Variants in MYO9B observed in about 807,000 individuals in gnomAD.
MYO9B encodes myosin IXB, also known as unconventional myosin-IXb.
Under a neutral mutation model 229.5 loss-of-function variants are expected in MYO9B, and 71 were observed. The observed-to-expected ratio is 0.31, with a 90% CI of 0.26 to 0.38. The LOEUF (loss-of-function observed/expected upper bound fraction) is 0.38. MYO9B is among the 10% of genes least tolerant of loss of function. The pLI is 1.00. For synonymous variants in MYO9B, 1,185 were observed against 1,235.8 expected (o/e 0.96, Z 0.86); for missense variants, 2,255 against 2,920.5 (o/e 0.77, Z 5.25).
chr19:17,191,995 G>C (rs2072990316), intron 20 of MYO9B, among the ~76,000 whole-genome samples: 1 of 151,820 alleles, frequency 6.6e-6, no homozygotes, highest in East Asian at 1.9e-4. Flanking sequence ...ACAGAGTCTT[G>C]CTCTGTTGCC....
chr19:17,172,229 C>A lies in MYO9B; in HGVS notation c.1794-107C>A. On this transcript the variant is annotated intron_variant, in intron 11 of 39. Transcript: ENST00000682292. The surrounding 1 kb of genome is among the most constrained non-coding windows in gnomAD (Gnocchi z 8.2). ...CTGTGCCACTTCACTGCTCTGCCCA[C>A]CCCATGCACCCACCCACCTCGTGCA... 2.1e-6 allele frequency: 3 copies of A among 1,416,280 alleles called. No individual in the cohort carries two copies. Among genetic ancestry groups the A allele is most frequent in the Non-Finnish European group, 2.9e-6 (3 of 1,045,940 alleles). The allele number at this position is 1,416,280 out of a possible 1,614,324, so 87.7% of individuals were successfully genotyped here. A position where few individuals can be genotyped will look rare whatever the true frequency, so the allele number is the denominator to read the frequency against.
intron 11 of MYO9B, among the ~76,000 whole-genome samples, chr19:17,171,210 C>A (rs1377966301): frequency 6.6e-6 from 1 of 152,202 alleles, no homozygotes; most frequent in African/African-American, 2.4e-5. Context: ...GGCATGCGTT[C>A]CGCTGCCTGT....
intron 2 of MYO9B, among the ~76,000 whole-genome samples, chr19:17,127,908 A>C (rs1462919115): frequency 6.6e-6 from 1 of 152,210 alleles, no homozygotes; most frequent in Non-Finnish European, 1.5e-5. Context: ...ATCCCGCTTA[A>C]TCCTCCATCT....
chr19:17,085,271 G>A (rs1301314182), intron 1 of MYO9B, among the ~76,000 whole-genome samples: 1 of 152,146 alleles, frequency 6.6e-6, no homozygotes, highest in Non-Finnish European at 1.5e-5. Flanking sequence ...CCAGGCAGAG[G>A]GTGGGTTTCA....
At chr19:17,122,956 G>A (rs773802614) in intron 2 of MYO9B, among the ~76,000 whole-genome samples, 10 of 152,060 alleles carry the variant, frequency 6.6e-5, no homozygotes, top group South Asian at 4.1e-4. Flanking sequence ...TTAAACAGGC[G>A]TGGTGGTGCA....
intron 11 of MYO9B, among the ~76,000 whole-genome samples, chr19:17,170,091 C>A (rs1166529625): frequency 1.3e-5 from 2 of 151,450 alleles, no homozygotes; most frequent in Non-Finnish European, 2.9e-5. Context: ...GAGATGGAAT[C>A]TCCCTGTATT....
At chr19:17,110,761 G>T (rs112239969) in intron 2 of MYO9B, among the ~76,000 whole-genome samples, 2 of 152,274 alleles carry the variant, frequency 1.3e-5, no homozygotes, top group African/African-American at 2.4e-5. Flanking sequence ...GGCGCAGAGG[G>T]ACGCCCCCAG....
intron 1 of MYO9B, among the ~76,000 whole-genome samples, chr19:17,077,709 T>C (rs901243769): frequency 6.6e-6 from 1 of 152,110 alleles, no homozygotes; most frequent in African/African-American, 2.4e-5. Context: ...CACCGTCTTG[T>C]CTCCAGTCCA....
chr19:17,208,030 C>T (rs2073182574), intron 35 of MYO9B: 1 of 142,720 alleles, frequency 7.0e-6, no homozygotes. Context: ...AAACAAAATA[C>T]AAAAATTAGC....
At position 17,212,136 on chromosome 19, in the gene MYO9B, T is replaced by C. The variant is rs773754218; in HGVS notation, c.6300T>C (p.Pro2100=). The C allele has an allele frequency of 1.5e-5, 24 of 1,588,310 alleles. No homozygotes were observed. Among genetic ancestry groups the C allele is most frequent in the Non-Finnish European group, 2.1e-5 (24 of 1,168,594 alleles). The part of the protein sequence containing the change: ...AAAPVRRREP[P]ARRPDQIHSV... ...CCCCAGTGCGGCGCCGGGAGCCACC[T>C]GCCCGCCGCCCGGACCAGATACATT... Residue 2100 remains proline (P), a synonymous_variant, in exon 40 of 40, where the codon CCT becomes CCC. Transcript: ENST00000682292. This position sits in a 1 kb window ranked among gnomAD's most constrained non-coding sequence, Gnocchi z 5.4.
At chr19:17,190,064 CA>C (rs36086676) in intron 19 of MYO9B, among the ~76,000 whole-genome samples, 21,474 of 126,804 alleles carry the variant, frequency 0.17, 1,659 homozygotes, top group Non-Finnish European at 0.2. Flanking sequence ...GACTCCGTCT[CA>C]AAAAAAAAAA....
At chr19:17,170,805 C>G (rs1436331605) in intron 11 of MYO9B, among the ~76,000 whole-genome samples, 1 of 132,996 alleles carries the variant, frequency 7.5e-6, no homozygotes, top group Non-Finnish European at 1.6e-5. Context: ...GCCTGGGCAA[C>G]AGAGCAAGAC....
At chr19:17,109,273 G>A (rs1294136841) in intron 2 of MYO9B, among the ~76,000 whole-genome samples, 1 of 150,920 alleles carries the variant, frequency 6.6e-6, no homozygotes, top group East Asian at 2.0e-4. Flanking sequence ...CACCGTGTTA[G>A]CCAGAATGGT....
Position 17,121,711 on chromosome 19 carries a change from C to T in MYO9B, c.840+19154C>T, listed in dbSNP as rs1351447315. Among the ~76,000 whole-genome samples, 5 of 152,272 alleles carry T rather than the reference C, an allele frequency of 3.3e-5. No homozygotes were observed. In the East Asian group the frequency reaches 7.7e-4, roughly 24 times the overall value. On this transcript the variant is annotated intron_variant, in intron 2 of 39. Coordinates refer to ENST00000682292, the MANE Select transcript of MYO9B (RefSeq NM_004145.4). ...TGCCGCATTAAAAGTACTGGAAGGG[C>T]GCGGTGGCTCACGCCGATAATTCCA...
Position 17,198,274 on chromosome 19 carries a change from G to T in MYO9B, c.4204G>T (p.Ala1402Ser). ...AGGCGACGCATCCTCCCTCCCAGAC[G>T]CAGGGCTGTCCCCGGGCTCTCAGGT... is the stretch of plus-strand genomic sequence containing the variant. ...KPGDASSLPDAGLSPGSQVDS... is the reference protein window; with the variant it reads ...KPGDASSLPDSGLSPGSQVDS... Residue 1402 changes from alanine to serine, a missense_variant, in exon 24 of 40, where the codon GCA becomes TCA. By Grantham distance (99) the Ala-to-Ser change is moderately conservative. Coordinates refer to ENST00000682292, the MANE Select transcript of MYO9B (RefSeq NM_004145.4). The T allele has an allele frequency of 1.9e-6, 3 of 1,613,916 alleles. No individual in the cohort carries two copies. The highest frequency in any genetic ancestry group is 2.5e-6 in the Non-Finnish European group (3 of 1,179,874).
intron 2 of MYO9B, among the ~76,000 whole-genome samples, chr19:17,125,162 G>A (rs543996840): frequency 2.0e-5 from 3 of 152,122 alleles, no homozygotes; most frequent in Admixed American, 1.3e-4. Flanking sequence ...TTAGCCGGGC[G>A]TGGTGGCACA....
rs372991062 is a variant in MYO9B at position 17,195,636 on chromosome 19, A to C, written c.4046+163A>C. On this transcript the variant is annotated intron_variant, in intron 22 of 39. Coordinates refer to ENST00000682292, the MANE Select transcript of MYO9B (RefSeq NM_004145.4). The surrounding 1 kb of genome is among the most constrained non-coding windows in gnomAD (Gnocchi z 4.5). ...AGCAGGACATGCTAAAGACCAAGTG[A>C]AGACAAGGCAGCCAGCCAGGGCCCA... Among the ~76,000 whole-genome samples, 1 of 152,094 alleles carries C rather than the reference A, an allele frequency of 6.6e-6. No homozygotes were observed. The highest frequency in any genetic ancestry group is 2.1e-4 in the South Asian group (1 of 4,822).
intron 1 of MYO9B, among the ~76,000 whole-genome samples, chr19:17,093,994 G>A (rs1474799977): frequency 1.3e-5 from 2 of 151,404 alleles, no homozygotes; most frequent in East Asian, 3.9e-4. Flanking sequence ...AGGATTGTAG[G>A]CATGAGCCAC....
intron 16 of MYO9B, 127 bp from the exon 17 acceptor site, chr19:17,184,737 TA>T: frequency 7.8e-7 from 1 of 1,278,936 alleles, no homozygotes; most frequent in Non-Finnish European, 1.1e-6. Flanking sequence ...AGACCAAACC[TA>T]AGAGCTGCTG....
Sources: gnomAD v4.1 joint callset for allele counts (sites outside exome capture counted in the v4.1 genomes callset) on GRCh38, gnomAD v4.1.1 for gene constraint, Gnocchi (gnomAD v3.1) non-coding constraint, MANE v1.5 for transcripts, NCBI Gene and HGNC (gene_info 2026-07-23, HGNC 2026-07-21) for gene names.